CNTNAP2: variants seen among roughly 807,000 people sequenced by gnomAD.
CNTNAP2 encodes contactin-associated protein-like 2.
CNTNAP2 carries 98 observed loss-of-function variants against 155.2 expected under a neutral mutation model. The ratio of observed to expected loss-of-function variants is 0.63; its 90% CI spans 0.54 to 0.75. The LOEUF (loss-of-function observed/expected upper bound fraction) is 0.75. Ranked by LOEUF, CNTNAP2 falls within the 30% of genes least tolerant of loss-of-function variation. CNTNAP2 has a pLI of 0.00. For synonymous variants in CNTNAP2, 651 were observed against 631.2 expected, an observed-to-expected ratio of 1.03 and a Z score of -0.47; for missense variants, 1,727 against 1,688.1, an observed-to-expected ratio of 1.02 and a Z score of -0.40.
intron 9 of CNTNAP2, among the ~76,000 whole-genome samples, chr7:147,356,615 C>T (rs919127438): frequency 6.6e-6 from 1 of 152,084 alleles, no homozygotes; most frequent in Admixed American, 6.6e-5. Context: ...CTTCTCTCAC[C>T]TACCACTATT....
rs192259938 is a variant in CNTNAP2 at position 146,527,544 on chromosome 7, G to A, written c.98-246727G>A. On this transcript the variant is annotated intron_variant, in intron 1 of 23. Coordinates refer to ENST00000361727, the MANE Select transcript of CNTNAP2 (RefSeq NM_014141.6). ...GATGGTATTTGTAAGGGTATATATA[G>A]ACCAAAAATAAGGTGAGCTTGGAAA... Among the ~76,000 whole-genome samples the A allele has an allele frequency of 4.7e-5, 7 of 150,094 alleles. No individual in the cohort carries two copies. The East Asian group carries it at 1.4e-3, about 29-fold the overall frequency.
intron 2 of CNTNAP2, among the ~76,000 whole-genome samples, chr7:146,810,337 AT>A (rs138144703): frequency 8.5e-6 from 1 of 117,134 alleles, no homozygotes; most frequent in African/African-American, 3.2e-5. Flanking sequence ...TGGTATTTTC[AT>A]TTATTTGGGG....
intron 1 of CNTNAP2, among the ~76,000 whole-genome samples, chr7:146,166,975 G>T (rs1314124235): frequency 6.6e-6 from 1 of 152,168 alleles, no homozygotes; most frequent in Non-Finnish European, 1.5e-5. Flanking sequence ...GAATGAAGCA[G>T]GCTTCCCACC....
At chr7:147,401,451 C>A (rs1796910601) in intron 10 of CNTNAP2, among the ~76,000 whole-genome samples, 4 of 151,362 alleles carry the variant, frequency 2.6e-5, no homozygotes, top group Admixed American at 2.6e-4. Context: ...TGATTTTTTT[C>A]TTTCAAAGAA....
intron 1 of CNTNAP2, among the ~76,000 whole-genome samples, chr7:146,652,709 A>G (rs1052721599): frequency 3.3e-5 from 5 of 152,174 alleles, no homozygotes; most frequent in Admixed American, 3.3e-4. Context: ...GGGAATTTGA[A>G]TTTTCAGACC....
chr7:148,290,552 A>G (rs912187847), intron 21 of CNTNAP2, among the ~76,000 whole-genome samples: 9 of 152,216 alleles, frequency 5.9e-5, no homozygotes, highest in African/African-American at 2.2e-4. Context: ...ACTTTATGCT[A>G]TCATTTCAGA....
At chr7:147,003,135 G>A (rs1172280996) in intron 3 of CNTNAP2, among the ~76,000 whole-genome samples, 1 of 151,870 alleles carries the variant, frequency 6.6e-6, no homozygotes, top group African/African-American at 2.4e-5. Context: ...TAAAGAGAGT[G>A]CTACATAAAA....
At chr7:147,516,848 C>CTTTTTTTTTT (rs1221666617) in intron 11 of CNTNAP2, among the ~76,000 whole-genome samples, 15 of 112,608 alleles carry the variant, frequency 1.3e-4, no homozygotes, top group South Asian at 3.0e-4. Context: ...TCTTTCTTTT[C>CTTTTTTTTTT]TTTTTTTTTT....
chr7:147,071,686 G>A (rs185625085), intron 4 of CNTNAP2, among the ~76,000 whole-genome samples: 55 of 152,282 alleles, frequency 3.6e-4, no homozygotes, highest in Admixed American at 5.2e-4. Flanking sequence ...GAGACATGTG[G>A]AAAAGAAGAT....
chr7:147,280,571 CAA>C (rs1007024441), intron 8 of CNTNAP2, among the ~76,000 whole-genome samples: 1 of 151,806 alleles, frequency 6.6e-6, no homozygotes, highest in African/African-American at 2.4e-5. Flanking sequence ...AAAAGCCACA[CAA>C]AGTTTAACTC....
chr7:148,028,369 G>T (rs4571660), intron 15 of CNTNAP2, among the ~76,000 whole-genome samples: 52,487 of 151,772 alleles, frequency 0.35, 10,188 homozygotes, highest in East Asian at 0.77. Context: ...CCACACATTT[G>T]GATGACTTGG....
rs11977423 is a variant in CNTNAP2 at position 146,945,594 on chromosome 7, G to A, written c.403-98313G>A. On this transcript the variant is annotated intron_variant, in intron 3 of 23. Coordinates refer to ENST00000361727, the MANE Select transcript of CNTNAP2 (RefSeq NM_014141.6). ...AATTGTTCTTTCCCCAGGCTTGGTCGGCGAATCACTTAATCCACTCATCCC... is the reference window on the plus strand; with the variant it reads ...AATTGTTCTTTCCCCAGGCTTGGTCAGCGAATCACTTAATCCACTCATCCC... Among the ~76,000 whole-genome samples, 1,371 of 152,082 alleles carry A rather than the reference G, an allele frequency of 9.0e-3. 20 individuals are homozygous for A. Among genetic ancestry groups the A allele is most frequent in the African/African-American group, 0.032 (1,330 of 41,478 alleles).
rs1170607003 is a variant in CNTNAP2 at position 146,488,717 on chromosome 7, C to G, written c.98-285554C>G. ...ATTTTGGCTCACTTGCAGCTTCGAC[C>G]TCCCAGGCTCAGGTGATCTTCCCAC... On this transcript the variant is annotated intron_variant, in intron 1 of 23. Coordinates refer to ENST00000361727, the MANE Select transcript of CNTNAP2 (RefSeq NM_014141.6). 3.3e-5 allele frequency among the ~76,000 whole-genome samples: 5 copies of G among 152,120 alleles called. No homozygotes were observed. In the East Asian group the frequency reaches 9.7e-4, roughly 29 times the overall value.
At chr7:147,260,104 C>G (rs527254072) in intron 8 of CNTNAP2, among the ~76,000 whole-genome samples, 125 of 152,144 alleles carry the variant, frequency 8.2e-4, no homozygotes, top group Non-Finnish European at 1.4e-3. Context: ...TGGAAGAGAT[C>G]AAGGACGAAG....
chr7:147,347,461 T>TATATATATATATATATGC (rs1584889473), intron 9 of CNTNAP2, among the ~76,000 whole-genome samples: 27 of 62,524 alleles, frequency 4.3e-4, no homozygotes, highest in South Asian at 2.6e-3. Flanking sequence ...TATATGCATA[T>TATATATATATATATATGC]ATATATATAT....
intron 4 of CNTNAP2, 147 bp downstream of exon 4, chr7:147,044,201 CAT>C (rs148378854): frequency 3.5e-5 from 27 of 779,224 alleles, no homozygotes; most frequent in African/African-American, 1.6e-4. Flanking sequence ...TGCATAGATA[CAT>C]ATATATATAA....
chr7:146,475,487 G>T (rs532132398), intron 1 of CNTNAP2, among the ~76,000 whole-genome samples: 16 of 152,338 alleles, frequency 1.1e-4, no homozygotes, highest in African/African-American at 3.8e-4. Flanking sequence ...GAGGCCTTTA[G>T]GATCAGTCTG....
chr7:147,636,588 C>T (rs1481210235), intron 12 of CNTNAP2, among the ~76,000 whole-genome samples: 1 of 152,098 alleles, frequency 6.6e-6, no homozygotes, highest in Non-Finnish European at 1.5e-5. Context: ...TGCTCTCCCT[C>T]CCATTTACCC....
At position 148,047,481 on chromosome 7, in the gene CNTNAP2, G is replaced by A. The variant is rs144889410; in HGVS notation, c.2383+69492G>A. Among the ~76,000 whole-genome samples the A allele has an allele frequency of 3.5e-3, 536 of 152,168 alleles. 2 individuals carry two copies. The highest frequency in any genetic ancestry group is 0.012 in the African/African-American group (498 of 41,504). On this transcript the variant is annotated intron_variant, in intron 15 of 23. Coordinates refer to ENST00000361727, the MANE Select transcript of CNTNAP2 (RefSeq NM_014141.6). The stretch of plus-strand genomic sequence containing the variant: ...CACATCACAGCCTTCTTGTGCTTAG[G>A]AACACTGGACGACACTCAACACTGC...
Sources: gnomAD v4.1 joint callset for allele counts (sites outside exome capture counted in the v4.1 genomes callset) on GRCh38, gnomAD v4.1.1 for gene constraint, MANE v1.5 for transcripts, NCBI Gene and HGNC (gene_info 2026-07-23, HGNC 2026-07-21) for gene names.